Variants in BANP observed in about 807,000 individuals in gnomAD.
The protein encoded by BANP is BTG3 associated nuclear protein, also known as protein BANP.
Under a neutral mutation model 68.1 loss-of-function variants are expected in BANP, and 11 were observed. The ratio of observed to expected loss-of-function variants is 0.16; its 90% CI spans 0.10 to 0.27. BANP has a LOEUF of 0.27. Among genes scored for constraint, BANP ranks in the 10% least tolerant of loss-of-function variants. BANP has a pLI of 1.00. For missense variants in BANP, 504 were observed against 722.7 expected (o/e 0.70, Z 3.47); for synonymous variants, 329 against 303.2 (o/e 1.09, Z -0.88).
chr16:88,071,004 G>A lies in BANP; in HGVS notation c.1378-1065G>A, dbSNP rs2152918122. On this transcript the variant is annotated intron_variant, in intron 12 of 13. Transcript: ENST00000682872. The surrounding 1 kb of genome is among the most constrained non-coding windows in gnomAD (Gnocchi z 6.5). ...AAAAGCACTTGCAGGTGAAAGCCCTGGTCCGGCGCTGTCTCTGCAGTGTGT... is the reference window on the plus strand; with the variant it reads ...AAAAGCACTTGCAGGTGAAAGCCCTAGTCCGGCGCTGTCTCTGCAGTGTGT... 6.4e-6 allele frequency: 1 copy of A among 157,252 alleles called. No homozygotes were observed. Among genetic ancestry groups the A allele is most frequent in the South Asian group, 1.9e-4 (1 of 5,202 alleles). The allele number at this position is 157,252 out of a possible 1,614,324, so 9.7% of individuals were successfully genotyped here. A position where few individuals can be genotyped will look rare whatever the true frequency, so the allele number is the denominator to read the frequency against.
intron 1 of BANP, among the ~76,000 whole-genome samples, chr16:87,963,196 G>T (rs6540129): frequency 0.67 from 101,925 of 151,894 alleles, 35,013 homozygotes; most frequent in African/African-American, 0.79. Flanking sequence ...GGGATGGGCT[G>T]GGAGCTTGGT....
chr16:88,039,173 T>A (rs899669392), intron 11 of BANP, among the ~76,000 whole-genome samples: 8 of 152,148 alleles, frequency 5.3e-5, no homozygotes, highest in African/African-American at 1.9e-4. Context: ...AGTTTCATCT[T>A]AAAGATCAGC....
At chr16:87,987,939 T>C (rs1486417411) in intron 4 of BANP, among the ~76,000 whole-genome samples, 2 of 151,874 alleles carry the variant, frequency 1.3e-5, no homozygotes, top group African/African-American at 4.8e-5. Context: ...CTAATTTTTG[T>C]TTTTGATAGA....
intron 1 of BANP, among the ~76,000 whole-genome samples, chr16:87,974,127 G>A (rs992461099): frequency 5.9e-5 from 9 of 152,204 alleles, no homozygotes; most frequent in African/African-American, 2.2e-4. Flanking sequence ...TACCATTTAT[G>A]TGTCAATAAT....
At chr16:88,027,688 C>G in intron 8 of BANP, 38 bp downstream of exon 8, 1 of 1,609,086 alleles carries the variant, frequency 6.2e-7, no homozygotes, top group Non-Finnish European at 8.5e-7. Context: ...CCCTCCCCCG[C>G]TCGGGGCAGC....
At chr16:87,954,563 C>T (rs1160587216) in intron 1 of BANP, among the ~76,000 whole-genome samples, 4 of 152,240 alleles carry the variant, frequency 2.6e-5, no homozygotes, top group Non-Finnish European at 4.4e-5. Flanking sequence ...GGAGCACCAA[C>T]TTGCAGATAT....
intron 3 of BANP, among the ~76,000 whole-genome samples, chr16:87,982,983 G>A (rs2063572241): frequency 1.3e-5 from 2 of 152,074 alleles, no homozygotes; most frequent in African/African-American, 2.4e-5. Context: ...CCCTGTCAAT[G>A]TGGGCCGGCC....
chr16:88,070,024 G>A (rs920834341), intron 12 of BANP, among the ~76,000 whole-genome samples: 1 of 151,794 alleles, frequency 6.6e-6, no homozygotes, highest in Admixed American at 6.6e-5. Flanking sequence ...ATCCACTTCC[G>A]CTTAATAAAG....
intron 13 of BANP, among the ~76,000 whole-genome samples, chr16:88,073,139 C>T (rs1247853217): frequency 2.0e-5 from 3 of 152,238 alleles, no homozygotes; most frequent in African/African-American, 7.2e-5. Context: ...AGGGGTCCTC[C>T]TCAGGAGGCG....
intron 4 of BANP, among the ~76,000 whole-genome samples, chr16:87,998,377 G>A (rs765028769): frequency 2.0e-5 from 3 of 152,250 alleles, no homozygotes; most frequent in Admixed American, 6.5e-5. Flanking sequence ...TTCACTGGCT[G>A]TGTGGCCTTG....
At chr16:87,982,364 A>G (rs577144868) in intron 3 of BANP, among the ~76,000 whole-genome samples, 89 of 152,216 alleles carry the variant, frequency 5.8e-4, no homozygotes, top group Non-Finnish European at 1.1e-3. Context: ...CCAAAACCCC[A>G]GGCAGAATCA....
At position 88,033,109 on chromosome 16, in the gene BANP, A is replaced by G. The variant is rs1351723901; in HGVS notation, c.1064A>G (p.Glu355Gly). Residue 355 changes from glutamate (E) to glycine (G), a missense_variant and splice_region_variant, in exon 9 of 14, where the codon GAG becomes GGG. Physicochemically the swap from Glu to Gly is moderately conservative, Grantham distance 98. Transcript: ENST00000682872. ...TPNSSSYCPS[E>G]PMMSTPPPAS... is the part of the protein sequence containing the mutation. ...CCGTTCACACCTGTTGCCCCCACAG[A>G]GCCGATGATGAGCACCCCACCTCCT... is the stretch of plus-strand genomic sequence containing the variant. The G allele has an allele frequency of 6.2e-7, 1 of 1,600,570 alleles. No individual in the cohort carries two copies. Among genetic ancestry groups the G allele is most frequent in the Non-Finnish European group, 8.5e-7 (1 of 1,170,312 alleles).
intron 4 of BANP, among the ~76,000 whole-genome samples, chr16:87,990,867 A>G (rs2065732355): frequency 6.6e-6 from 1 of 152,100 alleles, no homozygotes. Context: ...GGTTCACGCC[A>G]TTCTCCTGCT....
chr16:88,011,404 G>A (rs1031345504), intron 6 of BANP, among the ~76,000 whole-genome samples: 10 of 152,110 alleles, frequency 6.6e-5, no homozygotes, highest in African/African-American at 2.4e-4. Context: ...GCCGCCGACT[G>A]GTGTTGGACT....
chr16:88,072,176 G>T lies in BANP; in HGVS notation c.1485G>T (p.Gln495His). The change falls in exon 13 of 14, where the codon CAG becomes CAT. Residue 495 changes from glutamine to histidine, a missense_variant. Gln to His is a conservative substitution (Grantham distance 24). Transcript: ENST00000682872. Reference protein sequence around the residue: ...QGSDIQVQYVQLAPVSDHTAG... With the variant: ...QGSDIQVQYVHLAPVSDHTAG... Reference sequence around the variant, plus strand: ...GCGACATCCAGGTTCAGTACGTGCAGCTGGCGCCAGTGAGTGACCACACGG... The same window carrying T: ...GCGACATCCAGGTTCAGTACGTGCATCTGGCGCCAGTGAGTGACCACACGG... 3.1e-6 allele frequency: 5 copies of T among 1,611,344 alleles called. No homozygotes were observed. Among genetic ancestry groups the T allele is most frequent in the Non-Finnish European group, 4.2e-6 (5 of 1,179,688 alleles).
At position 88,074,283 on chromosome 16, in the gene BANP, G is replaced by C. The variant is rs113495676; in HGVS notation, c.1521+2071G>C. 3.7e-3 allele frequency among the ~76,000 whole-genome samples: 561 copies of C among 152,298 alleles called. 5 individuals carry two copies. Among genetic ancestry groups the C allele is most frequent in the African/African-American group, 0.012 (503 of 41,552 alleles). On this transcript the variant is annotated intron_variant, in intron 13 of 13. Coordinates refer to ENST00000682872, the MANE Select transcript of BANP (RefSeq NM_001386991.1). ...AGAGCAGGGTCACGCGCTTGAGCTC[G>C]TTCTAGGAAAACCTGTGGCTCAGCT...
At chr16:88,073,222 C>T (rs1488212719) in intron 13 of BANP, among the ~76,000 whole-genome samples, 1 of 152,246 alleles carries the variant, frequency 6.6e-6, no homozygotes. Flanking sequence ...GGCGGTTCTG[C>T]AGTCCCTCAG....
At chr16:88,039,418 G>A (rs995421089) in intron 11 of BANP, among the ~76,000 whole-genome samples, 4 of 143,780 alleles carry the variant, frequency 2.8e-5, no homozygotes, top group Admixed American at 7.1e-5. Context: ...CTGGCGGTCC[G>A]TCTTCGTTTT....
At chr16:88,049,372 A>C (rs889436312) in intron 11 of BANP, among the ~76,000 whole-genome samples, 1 of 152,044 alleles carries the variant, frequency 6.6e-6, no homozygotes, top group South Asian at 2.1e-4. Flanking sequence ...GGTACGGGGG[A>C]AGGGGCACAG....
Sources: gnomAD v4.1 joint callset for allele counts (sites outside exome capture counted in the v4.1 genomes callset) on GRCh38, gnomAD v4.1.1 for gene constraint, Gnocchi (gnomAD v3.1) non-coding constraint, MANE v1.5 for transcripts, NCBI Gene and HGNC (gene_info 2026-07-23, HGNC 2026-07-21) for gene names.